The following YLPM1 variants were observed in gnomAD, a reference collection of about 807,000 sequenced individuals.
The protein encoded by YLPM1 is YLP motif containing 1, also known as YLP motif-containing protein 1.
In YLPM1, 99 loss-of-function variants were observed where a neutral mutation model predicts 230.0. The ratio of observed to expected loss-of-function variants is 0.43; its 90% CI spans 0.37 to 0.51. The LOEUF (loss-of-function observed/expected upper bound fraction) is 0.51. YLPM1 is among the 20% of genes least tolerant of loss of function. The pLI, the probability that YLPM1 is intolerant of heterozygous loss-of-function variation, is 0.00. For synonymous variants in YLPM1, 984 were observed against 942.5 expected (o/e 1.04, Z -0.81); for missense variants, 2,592 against 2,707.7 (o/e 0.96, Z 0.95).
chr14:74,769,123 T>C (rs950034508), intron 1 of YLPM1, among the ~76,000 whole-genome samples: 2 of 151,504 alleles, frequency 1.3e-5, no homozygotes, highest in Non-Finnish European at 2.9e-5. Context: ...TTGCCCAGGC[T>C]GGAGTGCAGT....
At chr14:74,794,597 G>A (rs971276125) in intron 4 of YLPM1, among the ~76,000 whole-genome samples, 4 of 79,820 alleles carry the variant, frequency 5.0e-5, no homozygotes, top group South Asian at 4.3e-4. Context: ...AGCACACAAA[G>A]TCTTTTTTTT....
In YLPM1 at chr14:74,811,744, G is replaced by GT. The variant is rs751489113; in HGVS notation, c.5347+7dup. The GT allele has an allele frequency of 4.9e-4, 771 of 1,562,612 alleles. 2 individuals carry two copies. Among genetic ancestry groups the GT allele is most frequent in the Middle Eastern group, 2.5e-3 (15 of 5,928 alleles). ...AGGACCATCCATGTTTGGAGGTAGAGTGATGCCTTATTAACTACAAGGATG... is the reference window on the plus strand; with the variant it reads ...AGGACCATCCATGTTTGGAGGTAGAGTTGATGCCTTATTAACTACAAGGATG... On this transcript the variant is annotated splice_region_variant and intron_variant, in intron 10 of 20. Coordinates refer to ENST00000325680, the MANE Select transcript of YLPM1 (RefSeq NM_019589.3).
chr14:74,786,752 T>C (rs2091154507), intron 4 of YLPM1, among the ~76,000 whole-genome samples: 1 of 152,262 alleles, frequency 6.6e-6, no homozygotes, highest in Non-Finnish European at 1.5e-5. Context: ...CTTTTGATGC[T>C]GTATGTGTCC....
chr14:74,804,222 T>C (rs891732253), intron 6 of YLPM1, among the ~76,000 whole-genome samples: 29 of 152,194 alleles, frequency 1.9e-4, no homozygotes, highest in African/African-American at 5.8e-4. Flanking sequence ...CTTTTGAGAT[T>C]GGGACTACCC....
chr14:74,775,353 G>C (rs954463471), intron 1 of YLPM1, among the ~76,000 whole-genome samples: 2 of 152,206 alleles, frequency 1.3e-5, no homozygotes, highest in Non-Finnish European at 2.9e-5. Flanking sequence ...TGAGTGAAAA[G>C]TAGGTAACAA....
rs777264260 is a variant in YLPM1 at position 74,781,611 on chromosome 14, A to G, written c.1568A>G (p.Tyr523Cys). The G allele has an allele frequency of 9.9e-6, 16 of 1,613,918 alleles. No individual in the cohort carries two copies. The highest frequency in any genetic ancestry group is 1.3e-5 in the Non-Finnish European group (15 of 1,179,884). ...NMSMPPPFVP[Y>C]SQMPPPLPTM... ...TCAATGCCACCTCCTTTTGTTCCAT[A>G]TTCTCAGATGCCTCCACCTCTACCT... Residue 523 changes from tyrosine (Y) to cysteine (C), a missense_variant, in exon 4 of 21, where the codon TAT becomes TGT. Coordinates refer to ENST00000325680, the MANE Select transcript of YLPM1 (RefSeq NM_019589.3).
chr14:74,792,624 G>A (rs776238668), intron 4 of YLPM1, among the ~76,000 whole-genome samples: 5 of 152,082 alleles, frequency 3.3e-5, no homozygotes, highest in African/African-American at 4.8e-5. Flanking sequence ...TCTTTTGGTC[G>A]CCATCTTCAT....
intron 16 of YLPM1, among the ~76,000 whole-genome samples, chr14:74,819,273 CTTTTT>C (rs199554037): frequency 8.3e-6 from 1 of 119,778 alleles, no homozygotes. Flanking sequence ...TGTCATTGTG[CTTTTT>C]TTTTTTTTTT....
intron 16 of YLPM1, among the ~76,000 whole-genome samples, chr14:74,819,116 G>C (rs2091501121): frequency 6.6e-6 from 1 of 152,030 alleles, no homozygotes; most frequent in Non-Finnish European, 1.5e-5. Flanking sequence ...AATCTGTAGG[G>C]AGATACTCTT....
intron 18 of YLPM1, among the ~76,000 whole-genome samples, chr14:74,826,315 T>C: frequency 6.6e-6 from 1 of 152,244 alleles, no homozygotes; most frequent in Admixed American, 6.5e-5. Flanking sequence ...AACATGAGGA[T>C]CTTGTGTCGG....
At chr14:74,803,696 G>A (rs537690502) in intron 6 of YLPM1, among the ~76,000 whole-genome samples, 1 of 152,140 alleles carries the variant, frequency 6.6e-6, no homozygotes, top group East Asian at 1.9e-4. Context: ...CCATCACCTA[G>A]TCACCCTAAC....
chr14:74,767,448 T>C (rs949645034), intron 1 of YLPM1, among the ~76,000 whole-genome samples: 1 of 152,206 alleles, frequency 6.6e-6, no homozygotes, highest in Non-Finnish European at 1.5e-5. Flanking sequence ...AGATTCTTAG[T>C]ATAGATCAGG....
chr14:74,818,433 C>A, intron 16 of YLPM1, 119 bp downstream of exon 16: 1 of 658,870 alleles, frequency 1.5e-6, no homozygotes, highest in Non-Finnish European at 2.3e-6. Flanking sequence ...AGAACACCTA[C>A]TGATATGCCT....
chr14:74,800,225 A>G (rs1346115624), intron 5 of YLPM1, among the ~76,000 whole-genome samples: 3 of 152,216 alleles, frequency 2.0e-5, no homozygotes, highest in Non-Finnish European at 4.4e-5. Context: ...ATTATAACTA[A>G]AAGCAGATAT....
chr14:74,766,871 C>G (rs1023951052), intron 1 of YLPM1, among the ~76,000 whole-genome samples: 3 of 151,338 alleles, frequency 2.0e-5, no homozygotes, highest in African/African-American at 7.3e-5. Context: ...CAAAACAAAA[C>G]CAAGACCTTT....
intron 18 of YLPM1, 85 bp downstream of exon 18, chr14:74,824,392 C>A: frequency 7.3e-7 from 1 of 1,367,524 alleles, no homozygotes; most frequent in South Asian, 1.3e-5. Flanking sequence ...GAACAAATTT[C>A]CTAAAACTTC....
chr14:74,799,868 T>C (rs1447284836), intron 5 of YLPM1, among the ~76,000 whole-genome samples, 171 bp downstream of exon 5: 2 of 152,232 alleles, frequency 1.3e-5, no homozygotes, highest in African/African-American at 4.8e-5. Flanking sequence ...AATGGGTATT[T>C]AGGAACTGTG....
chr14:74,778,634 C>T lies in YLPM1; in HGVS notation c.1061C>T (p.Pro354Leu), dbSNP rs781432274. ...ESPSSEEPPLPPPNEEVPPPL... is the reference protein window; with the variant it reads ...ESPSSEEPPLLPPNEEVPPPL... ...CCTTCTTCTGAGGAGCCCCCATTGC[C>T]ACCTCCAAATGAGGAAGTGCCACCT... is the stretch of plus-strand genomic sequence containing the variant. The change falls in exon 2 of 21, where the codon CCA becomes CTA. Residue 354 changes from proline (P) to leucine (L), a missense_variant. Transcript: ENST00000325680. 1 of 1,590,458 alleles carries T rather than the reference C, an allele frequency of 6.3e-7. No homozygotes were observed. The highest frequency in any genetic ancestry group is 8.6e-7 in the Non-Finnish European group (1 of 1,168,816).
chr14:74,827,867 C>T, intron 18 of YLPM1: 3 of 985,270 alleles, frequency 3.0e-6, no homozygotes, highest in Non-Finnish European at 3.6e-6. Context: ...CCGTCATATA[C>T]ACGTAGATAG....
Sources: allele counts gnomAD v4.1 joint callset (sites outside exome capture counted in the v4.1 genomes callset), GRCh38; gene constraint gnomAD v4.1.1; transcripts MANE v1.5; gene names NCBI Gene and HGNC (gene_info 2026-07-23, HGNC 2026-07-21).